Variants in RHOBTB1 observed in about 807,000 individuals in gnomAD.
The protein encoded by RHOBTB1 is rho-related BTB domain-containing protein 1.
RHOBTB1 carries 40 observed loss-of-function variants against 71.6 expected under a neutral mutation model. The observed-to-expected ratio is 0.56, with a 90% CI of 0.43 to 0.73. The LOEUF (loss-of-function observed/expected upper bound fraction) is 0.73. RHOBTB1 is among the 30% of genes least tolerant of loss of function. The probability of loss-of-function intolerance (pLI) is 0.00; values close to 1 mark genes in which losing one functional copy is unlikely to be tolerated. For synonymous variants in RHOBTB1, 319 were observed against 334.9 expected (o/e 0.95, Z 0.52); for missense variants, 797 against 894.0 (o/e 0.89, Z 1.38).
chr10:60,863,686 C>A, the RHOBTB1 span, among the ~76,000 whole-genome samples: 6 of 152,130 alleles, frequency 3.9e-5, no homozygotes, highest in African/African-American at 1.2e-4. Context: ...GTGCCTGCCA[C>A]CATGCCTGGC....
At chr10:60,896,492 C>G (rs1197229364) in intron 4 of RHOBTB1, among the ~76,000 whole-genome samples, 1 of 152,138 alleles carries the variant, frequency 6.6e-6, no homozygotes, top group Non-Finnish European at 1.5e-5. Flanking sequence ...AATGCAGAGG[C>G]AGAGTACAGG....
chr10:60,950,561 A>G (rs538668713), intron 2 of RHOBTB1, among the ~76,000 whole-genome samples: 1 of 152,338 alleles, frequency 6.6e-6, no homozygotes, highest in South Asian at 2.1e-4. Flanking sequence ...CTCACTAACT[A>G]GGATGTAATT....
intron 4 of RHOBTB1, among the ~76,000 whole-genome samples, chr10:60,905,546 A>C (rs1254657086): frequency 6.6e-6 from 1 of 151,686 alleles, no homozygotes; most frequent in Non-Finnish European, 1.5e-5. Flanking sequence ...CATGAGTAAC[A>C]GTGCCATATT....
intron 2 of RHOBTB1, among the ~76,000 whole-genome samples, chr10:60,980,301 CA>C (rs2086453906): frequency 6.6e-6 from 1 of 151,972 alleles, no homozygotes; most frequent in Non-Finnish European, 1.5e-5. Flanking sequence ...GAATTCAATA[CA>C]AAAATCAATA....
chr10:60,914,431 A>G (rs2083161320), intron 2 of RHOBTB1, among the ~76,000 whole-genome samples: 1 of 152,196 alleles, frequency 6.6e-6, no homozygotes, highest in Admixed American at 6.5e-5. Context: ...AAATGTCCTC[A>G]GTGGTGGGAA....
At chr10:60,865,908 T>C (rs1589129165), downstream of RHOBTB1, among the ~76,000 whole-genome samples, 1 of 152,324 alleles carries the variant, frequency 6.6e-6, no homozygotes, top group African/African-American at 2.4e-5. Context: ...CTCGGCTTAC[T>C]GCAACCTCTG....
At chr10:60,866,119 A>T (rs527843153), downstream of RHOBTB1, among the ~76,000 whole-genome samples, 199 of 152,306 alleles carry the variant, frequency 1.3e-3, 1 homozygote, top group African/African-American at 4.2e-3. Flanking sequence ...GGAGTGAGCC[A>T]CTGTGCCCAG....
chr10:60,983,782 A>G (rs2086577381), intron 2 of RHOBTB1, among the ~76,000 whole-genome samples: 1 of 152,176 alleles, frequency 6.6e-6, no homozygotes, highest in Non-Finnish European at 1.5e-5. Flanking sequence ...TACCTTCCCC[A>G]ATGTCTGGCC....
chr10:60,929,422 T>C (rs1258590255), intron 2 of RHOBTB1, among the ~76,000 whole-genome samples: 1 of 152,070 alleles, frequency 6.6e-6, no homozygotes, highest in African/African-American at 2.4e-5. Flanking sequence ...TTCTTAGATA[T>C]CAAAGACTCA....
intron 2 of RHOBTB1, among the ~76,000 whole-genome samples, chr10:60,950,872 T>C (rs991892034): frequency 6.6e-6 from 1 of 152,186 alleles, no homozygotes; most frequent in African/African-American, 2.4e-5. Context: ...GTAAGTATTA[T>C]ACATAAAAGC....
At chr10:60,906,493 C>T (rs747040104) in intron 4 of RHOBTB1, among the ~76,000 whole-genome samples, 1 of 152,204 alleles carries the variant, frequency 6.6e-6, no homozygotes, top group Admixed American at 6.5e-5. Context: ...ACTACAACAG[C>T]ATGGTGGATG....
chr10:60,887,088 A>AC (rs1325915257), intron 6 of RHOBTB1, among the ~76,000 whole-genome samples: 1 of 151,526 alleles, frequency 6.6e-6, no homozygotes, highest in Non-Finnish European at 1.5e-5. Flanking sequence ...AAAAAAAAAA[A>AC]CAGAATCCAA....
rs2086350353 is a variant in RHOBTB1, at chr10:60,977,345, T to C, written c.-62+8500A>G. On this transcript the variant is annotated intron_variant, in intron 2 of 11. Coordinates refer to the RHOBTB1 transcript ENST00000357917. ...CAGCTTCATGGGGTGTTGCCCTATT[T>C]ATGAAACCTTAACATGTCACTTATG... is the stretch of plus-strand genomic sequence containing the variant. Among the ~76,000 whole-genome samples, 3 of 152,080 alleles carry C rather than the reference T, an allele frequency of 2.0e-5. No individual in the cohort carries two copies. In the South Asian group the frequency reaches 6.2e-4, roughly 31 times the overall value.
chr10:60,900,125 G>A (rs968517297), intron 4 of RHOBTB1, among the ~76,000 whole-genome samples: 10 of 152,206 alleles, frequency 6.6e-5, no homozygotes, highest in Admixed American at 2.0e-4. Context: ...TGAGCAGAAC[G>A]TAGTGATATA....
At chr10:60,953,865 C>T (rs1398580110) in intron 2 of RHOBTB1, among the ~76,000 whole-genome samples, 1 of 152,142 alleles carries the variant, frequency 6.6e-6, no homozygotes, top group Non-Finnish European at 1.5e-5. Context: ...TCAGTTTATA[C>T]TCTTTCTTAC....
chr10:60,942,694 T>C (rs1480274432), intron 1 of RHOBTB1, among the ~76,000 whole-genome samples: 1 of 152,212 alleles, frequency 6.6e-6, no homozygotes, highest in Non-Finnish European at 1.5e-5. Context: ...TTACTGGAAA[T>C]GAAACGTAGT....
chr10:60,915,635 C>A (rs2083231536), intron 2 of RHOBTB1, among the ~76,000 whole-genome samples: 1 of 152,164 alleles, frequency 6.6e-6, no homozygotes, highest in Non-Finnish European at 1.5e-5. Context: ...CAAGACAGTG[C>A]AGGTGGGGAA....
At chr10:60,934,232 G>A (rs1010870521) in intron 2 of RHOBTB1, among the ~76,000 whole-genome samples, 14 of 152,152 alleles carry the variant, frequency 9.2e-5, no homozygotes, top group African/African-American at 3.4e-4. Context: ...TATGTGAACT[G>A]CCTTTCATAT....
At chr10:60,894,948 C>G (rs545853358) in intron 4 of RHOBTB1, among the ~76,000 whole-genome samples, 1 of 152,234 alleles carries the variant, frequency 6.6e-6, no homozygotes, top group Non-Finnish European at 1.5e-5. Context: ...GAAATCAGAG[C>G]TAGCTTGGTT....
Sources: allele counts gnomAD v4.1 joint callset (sites outside exome capture counted in the v4.1 genomes callset), GRCh38; gene constraint gnomAD v4.1.1; transcripts MANE v1.5; gene names NCBI Gene and HGNC (gene_info 2026-07-23, HGNC 2026-07-21).